RANBP2: variants seen among roughly 807,000 people sequenced by gnomAD.
The protein encoded by RANBP2 is RAN binding protein 2.
Under a neutral mutation model 303.6 loss-of-function variants are expected in RANBP2, and 57 were observed. The observed-to-expected ratio is 0.19, with a 90% CI of 0.15 to 0.23. The LOEUF is 0.23. Among genes scored for constraint, RANBP2 ranks in the 10% least tolerant of loss-of-function variants. The pLI is 1.00. For missense variants in RANBP2, 3,138 were observed against 3,780.8 expected (o/e 0.83, Z 4.46); for synonymous variants, 1,167 against 1,301.5 (o/e 0.90, Z 2.23).
intron 23 of RANBP2, among the ~76,000 whole-genome samples, chr2:108,773,830 G>A (rs1648750787): frequency 5.3e-5 from 8 of 152,070 alleles, no homozygotes; most frequent in Admixed American, 3.3e-4. Context: ...TATTTTTTTA[G>A]TAGAGACAGG....
the RANBP2 span, among the ~76,000 whole-genome samples, chr2:109,261,080 C>T: frequency 4.6e-5 from 7 of 152,292 alleles, no homozygotes; most frequent in East Asian, 1.9e-4. Context: ...GTGTCTTACA[C>T]GGGTCCATTT....
At chr2:109,175,730 A>G in the RANBP2 span, among the ~76,000 whole-genome samples, 28 of 152,356 alleles carry the variant, frequency 1.8e-4, no homozygotes, top group Admixed American at 8.5e-4. Context: ...CATAAAAATG[A>G]AGTAAGTAAC....
Position 108,764,212 on chromosome 2 carries a change from A to G in RANBP2, c.3673A>G (p.Lys1225Glu). 1.9e-6 allele frequency: 3 copies of G among 1,614,100 alleles called. No individual in the cohort carries two copies. The highest frequency in any genetic ancestry group is 2.5e-6 in the Non-Finnish European group (3 of 1,179,998). ...TGGCAATGTAAAAATACTGAGGCAT[A>G]AAACATCTGGTAAAATTCGCCTTCT... ...GIGNVKILRH[K>E]TSGKIRLLMR... The change falls in exon 20 of 29, where the codon AAA (lysine) becomes GAA (glutamate). Residue 1225 changes from lysine (K) to glutamate (E), a missense_variant. Coordinates refer to ENST00000283195, the MANE Select transcript of RANBP2 (RefSeq NM_006267.5).
chr2:109,510,779 G>A, the RANBP2 span, among the ~76,000 whole-genome samples: 4 of 152,232 alleles, frequency 2.6e-5, no homozygotes, highest in East Asian at 5.8e-4. Flanking sequence ...AGGGTGAGCA[G>A]AGTGGGGCCC....
the RANBP2 span, chr2:109,251,303 G>A: frequency 1.3e-4 from 51 of 403,638 alleles, 2 homozygotes; most frequent in Admixed American, 1.5e-3. Context: ...CACCATGCCC[G>A]GCCCAAATTA....
the RANBP2 span, among the ~76,000 whole-genome samples, chr2:108,965,384 G>A: frequency 2.0e-5 from 3 of 151,762 alleles, no homozygotes; most frequent in Non-Finnish European, 4.4e-5. Flanking sequence ...GGGAGGCTGA[G>A]GCAGGAGAAT....
the RANBP2 span, among the ~76,000 whole-genome samples, chr2:109,393,541 G>A: frequency 1.5e-4 from 23 of 152,238 alleles, 1 homozygote; most frequent in Admixed American, 1.2e-3. Context: ...TGCTCAGTCC[G>A]TTTTGTTTTC....
rs61748149 is a variant in RANBP2 at position 108,764,982 on chromosome 2, A to G, written c.4443A>G (p.Gly1481=). 101,840 of 1,614,084 alleles carry G rather than the reference A, an allele frequency of 0.063. 3,845 individuals are homozygous for G. Among genetic ancestry groups the G allele is most frequent in the South Asian group, 0.14 (13,200 of 91,084 alleles). The change falls in exon 20 of 29, where the codon GGA becomes GGG. Residue 1481 remains glycine (G), a synonymous_variant. Coordinates refer to ENST00000283195, the MANE Select transcript of RANBP2 (RefSeq NM_006267.5). ...GATCTGTTTTTTCTACAAAGGAAGG[A>G]CAGTGGGATTGCAGTGCATGTTTGG... ...DFRSVFSTKE[G]QWDCSACLVQ...
chr2:109,273,917 T>A, the RANBP2 span, among the ~76,000 whole-genome samples: 1 of 152,158 alleles, frequency 6.6e-6, no homozygotes, highest in Non-Finnish European at 1.5e-5. Context: ...GTGGTAGGAC[T>A]GGGTTTGGTG....
At chr2:109,089,283 A>T in the RANBP2 span, among the ~76,000 whole-genome samples, 1 of 152,078 alleles carries the variant, frequency 6.6e-6, no homozygotes, top group African/African-American at 2.4e-5. Context: ...AGAGGATGGA[A>T]TGTGTGAAAA....
the RANBP2 span, among the ~76,000 whole-genome samples, chr2:109,036,293 C>G: frequency 4.6e-5 from 7 of 152,164 alleles, no homozygotes; most frequent in Non-Finnish European, 8.8e-5. Context: ...ATTTTACACA[C>G]TCTATCTCAG....
chr2:109,706,297 A>G, the RANBP2 span, among the ~76,000 whole-genome samples: 1 of 152,224 alleles, frequency 6.6e-6, no homozygotes, highest in Non-Finnish European at 1.5e-5. Flanking sequence ...TTATCGGGAA[A>G]GAAGTAAAGA....
At chr2:109,146,057 C>G in the RANBP2 span, among the ~76,000 whole-genome samples, 1 of 149,504 alleles carries the variant, frequency 6.7e-6, no homozygotes, top group Non-Finnish European at 1.5e-5. Context: ...CCGAGGGAGT[C>G]CATGCAGGAA....
chr2:109,354,920 G>A, the RANBP2 span, among the ~76,000 whole-genome samples: 3 of 152,246 alleles, frequency 2.0e-5, no homozygotes, highest in Non-Finnish European at 2.9e-5. Flanking sequence ...TATTTACGAA[G>A]CTTAGGAAGA....
the RANBP2 span, among the ~76,000 whole-genome samples, chr2:108,821,018 TAAA>T: frequency 6.6e-6 from 1 of 151,908 alleles, no homozygotes; most frequent in Non-Finnish European, 1.5e-5. Context: ...ACAAAAGTAT[TAAA>T]AAAAACTGTA....
chr2:109,081,672 C>T, the RANBP2 span, among the ~76,000 whole-genome samples: 4,000 of 152,236 alleles, frequency 0.026, 200 homozygotes, highest in African/African-American at 0.089. Flanking sequence ...GGTAACCTTG[C>T]CCATCCTGAC....
the RANBP2 span, among the ~76,000 whole-genome samples, chr2:108,828,221 A>G: frequency 6.6e-6 from 1 of 152,234 alleles, no homozygotes; most frequent in Non-Finnish European, 1.5e-5. Context: ...CCAAAAATAT[A>G]ACATTAAATA....
At chr2:109,512,280 C>T in the RANBP2 span, among the ~76,000 whole-genome samples, 1 of 152,082 alleles carries the variant, frequency 6.6e-6, no homozygotes, top group Non-Finnish European at 1.5e-5. Context: ...GTGTCCCGGC[C>T]CTCCCTGCCC....
At chr2:109,491,026 C>A in the RANBP2 span, 1 of 1,264,556 alleles carries the variant, frequency 7.9e-7, no homozygotes, top group Non-Finnish European at 1.0e-6. Flanking sequence ...ACACTGTGGC[C>A]TTGCTGGGAT....
Sources: allele counts gnomAD v4.1 joint callset (sites outside exome capture counted in the v4.1 genomes callset), GRCh38; gene constraint gnomAD v4.1.1; transcripts MANE v1.5; gene names NCBI Gene and HGNC (gene_info 2026-07-23, HGNC 2026-07-21).